The following CTNNA1 variants were observed in gnomAD, a reference collection of about 807,000 sequenced individuals.
CTNNA1 encodes the protein catenin alpha 1.
CTNNA1 carries 37 observed loss-of-function variants against 98.4 expected under a neutral mutation model. The observed-to-expected ratio is 0.38, with a 90% CI of 0.29 to 0.49. CTNNA1 has a LOEUF of 0.49. Among genes scored for constraint, CTNNA1 ranks in the 20% least tolerant of loss-of-function variants. CTNNA1 has a pLI of 0.95. For synonymous variants in CTNNA1, 404 were observed against 413.2 expected (o/e 0.98, Z 0.27); for missense variants, 761 against 1,147.2 (o/e 0.66, Z 4.86).
intron 6 of CTNNA1, among the ~76,000 whole-genome samples, chr5:138,826,800 C>A (rs1012180130): frequency 7.2e-5 from 11 of 152,260 alleles, no homozygotes; most frequent in African/African-American, 2.6e-4. Flanking sequence ...TGTGCGCACA[C>A]GTGTATATAT....
At chr5:138,830,130 G>C (rs956169854) in intron 7 of CTNNA1, among the ~76,000 whole-genome samples, 2 of 151,068 alleles carry the variant, frequency 1.3e-5, no homozygotes, top group African/African-American at 4.9e-5. Context: ...TCACGCCACT[G>C]CACTCCAGCC....
chr5:138,849,856 A>AT (rs1763037474), intron 7 of CTNNA1, among the ~76,000 whole-genome samples: 1 of 151,968 alleles, frequency 6.6e-6, no homozygotes, highest in Non-Finnish European at 1.5e-5. Context: ...TAGGCAGTGC[A>AT]TTTACATGGC....
At chr5:138,854,176 G>A (rs995645501) in intron 7 of CTNNA1, among the ~76,000 whole-genome samples, 4 of 152,190 alleles carry the variant, frequency 2.6e-5, no homozygotes, top group Admixed American at 6.5e-5. Context: ...CTGCAAAAAT[G>A]TGTGTGGATA....
intron 9 of CTNNA1, among the ~76,000 whole-genome samples, chr5:138,892,383 A>G (rs1286471367): frequency 1.8e-5 from 2 of 112,952 alleles, no homozygotes; most frequent in Non-Finnish European, 3.3e-5. Flanking sequence ...TCTGTCGCCC[A>G]GGCTGGAGTG....
chr5:138,811,929 C>T (rs1265247283), intron 4 of CTNNA1: 26 of 333,768 alleles, frequency 7.8e-5, no homozygotes, highest in Non-Finnish European at 1.7e-5. Context: ...GAGAGGGAGA[C>T]CGTGGGGAGA....
chr5:138,811,163 G>A (rs1220824909), intron 4 of CTNNA1, among the ~76,000 whole-genome samples: 2 of 151,330 alleles, frequency 1.3e-5, no homozygotes, highest in African/African-American at 4.9e-5. Flanking sequence ...TCTCAGATGG[G>A]GCGGTTGCCA....
intron 10 of CTNNA1, among the ~76,000 whole-genome samples, chr5:138,906,529 A>G (rs1199905616): frequency 6.6e-6 from 1 of 152,238 alleles, no homozygotes; most frequent in Admixed American, 6.5e-5. Context: ...AAGAGTATTT[A>G]TATAAATGAT....
At chr5:138,791,565 T>C (rs1388998372) in intron 3 of CTNNA1, among the ~76,000 whole-genome samples, 2 of 126,484 alleles carry the variant, frequency 1.6e-5, no homozygotes, top group Admixed American at 1.1e-4. Flanking sequence ...TGCAGTGAGC[T>C]GAGATTGCAC....
At chr5:138,824,136 TTTAA>T (rs1341658013) in intron 5 of CTNNA1, among the ~76,000 whole-genome samples, 17 of 152,192 alleles carry the variant, frequency 1.1e-4, no homozygotes, top group Admixed American at 6.5e-5. Flanking sequence ...TTGTCTTTTA[TTTAA>T]TGCCTTATTT....
At chr5:138,779,593 C>T (rs1000171708) in intron 1 of CTNNA1, among the ~76,000 whole-genome samples, 15 of 151,854 alleles carry the variant, frequency 9.9e-5, no homozygotes, top group Non-Finnish European at 2.1e-4. Context: ...GTCTCAAACT[C>T]CTGGGCTTAA....
At chr5:138,828,630 G>C (rs1023697890) in intron 7 of CTNNA1, among the ~76,000 whole-genome samples, 9 of 152,106 alleles carry the variant, frequency 5.9e-5, no homozygotes, top group Non-Finnish European at 1.0e-4. Flanking sequence ...TTTTTTACCT[G>C]TTTAACACCT....
chr5:138,899,453 G>A (rs1757563461), intron 9 of CTNNA1, among the ~76,000 whole-genome samples: 1 of 152,178 alleles, frequency 6.6e-6, no homozygotes, highest in Non-Finnish European at 1.5e-5. Flanking sequence ...TTGGAGTGGG[G>A]TATAGGGGCT....
Position 138,874,617 on chromosome 5 carries a change from C to G in CTNNA1, c.1063-11595C>G. 1 of 1,078,364 alleles carries G rather than the reference C, an allele frequency of 9.3e-7. No homozygotes were observed. Among genetic ancestry groups the G allele is most frequent in the South Asian group, 1.7e-5 (1 of 58,900 alleles). The allele number at this position is 1,078,364 out of a possible 1,614,324, so 66.8% of individuals were successfully genotyped here. ...GATATTTTTCAGCAGAACATATGGG[C>G]TATTTAAAAAAAACAACCACCACCA... On this transcript the variant is annotated intron_variant, in intron 7 of 17. Transcript: ENST00000302763. This position sits in a 1 kb window ranked among gnomAD's most constrained non-coding sequence, Gnocchi z 4.1.
At chr5:138,823,950 C>A (rs1329099914) in intron 5 of CTNNA1, among the ~76,000 whole-genome samples, 2 of 45,744 alleles carry the variant, frequency 4.4e-5, no homozygotes, top group African/African-American at 1.3e-4. Context: ...GAGCGAGACT[C>A]CGTCTCAAAA....
chr5:138,827,970 A>G lies in CTNNA1; in HGVS notation c.1062+252A>G, dbSNP rs11960341. 7.2e-5 allele frequency: 35 copies of G among 487,660 alleles called. 1 individual carries two copies. Among genetic ancestry groups the G allele is most frequent in the South Asian group, 4.8e-4 (22 of 46,210 alleles). The allele number at this position is 487,660 out of a possible 1,614,324, so 30.2% of individuals were successfully genotyped here. ...CTAGGAAATTTATCTGTATTCATCA[A>G]TTAACATGTAGATACATGTGTAGGT... On this transcript the variant is annotated intron_variant, in intron 7 of 17. Transcript: ENST00000302763.
intron 3 of CTNNA1, among the ~76,000 whole-genome samples, chr5:138,791,389 C>T (rs1314387021): frequency 5.9e-5 from 9 of 151,680 alleles, no homozygotes; most frequent in African/African-American, 1.7e-4. Flanking sequence ...GAGGCCGAGG[C>T]GGGCAGATCA....
At chr5:138,776,799 G>A (rs1375784194) in intron 1 of CTNNA1, among the ~76,000 whole-genome samples, 15 of 142,402 alleles carry the variant, frequency 1.1e-4, no homozygotes, top group African/African-American at 4.1e-4. Context: ...CCAGGCGGGG[G>A]GCTGACCCCC....
At chr5:138,933,722 C>G (rs1765943592) in intron 17 of CTNNA1, 80 bp from the exon 18 acceptor site, 2 of 1,458,936 alleles carry the variant, frequency 1.4e-6, no homozygotes, top group Non-Finnish European at 1.9e-6. Context: ...GTAGGGGGCT[C>G]CCCTTCAAGC....
rs778958561 is a variant in CTNNA1 at position 138,824,815 on chromosome 5, G to A, written c.858+16G>A. On this transcript the variant is annotated intron_variant, in intron 6 of 17. Transcript: ENST00000302763. ...TAACTTTGACGTAAGTTATGCTTGG[G>A]TGGAAATTTCCAGCTCTTGACCATC... The A allele has an allele frequency of 2.1e-5, 34 of 1,605,628 alleles. No homozygotes were observed. In the Admixed American group the frequency reaches 5.0e-4, roughly 24 times the overall value.
Sources: gnomAD v4.1 joint callset for allele counts (sites outside exome capture counted in the v4.1 genomes callset) on GRCh38, gnomAD v4.1.1 for gene constraint, Gnocchi (gnomAD v3.1) non-coding constraint, MANE v1.5 for transcripts, NCBI Gene and HGNC (gene_info 2026-07-23, HGNC 2026-07-21) for gene names.